CDH13: variants seen among roughly 807,000 people sequenced by gnomAD.
CDH13 encodes the protein cadherin-13.
A neutral mutation model predicts 63.8 loss-of-function variants in CDH13; 24 were observed. The observed-to-expected ratio is 0.38, with a 90% CI of 0.27 to 0.53. CDH13 has a LOEUF of 0.53. CDH13 is among the 20% of genes least tolerant of loss of function. The probability of loss-of-function intolerance (pLI) is 0.85; values close to 1 mark genes in which losing one functional copy is unlikely to be tolerated. For missense variants in CDH13, 1,049 were observed against 903.1 expected, an observed-to-expected ratio of 1.16 and a Z score of -2.07; for synonymous variants, 503 against 355.3, an observed-to-expected ratio of 1.42 and a Z score of -4.67.
At chr16:82,809,314 A>G (rs202015560) in intron 1 of CDH13, among the ~76,000 whole-genome samples, 1 of 238 alleles carries the variant, frequency 4.2e-3, no homozygotes, top group African/African-American at 5.6e-3. Context: ...ATTTACGTCC[A>G]AAAAAAAAAA....
intron 1 of CDH13, among the ~76,000 whole-genome samples, chr16:82,855,056 T>C (rs1381454950): frequency 6.6e-6 from 1 of 152,236 alleles, no homozygotes; most frequent in Non-Finnish European, 1.5e-5. Flanking sequence ...ACTGTGTACC[T>C]TTATGTTACA....
chr16:83,204,576 C>G (rs2039127840), intron 4 of CDH13, among the ~76,000 whole-genome samples: 1 of 152,192 alleles, frequency 6.6e-6, no homozygotes, highest in Admixed American at 6.5e-5. Flanking sequence ...AGAGGCCACA[C>G]AGCTTTCTAT....
intron 5 of CDH13, among the ~76,000 whole-genome samples, chr16:83,260,068 T>G (rs1038823820): frequency 9.3e-4 from 4 of 4,310 alleles, no homozygotes; most frequent in African/African-American, 3.9e-3. Context: ...ATATAATAGT[T>G]TTTTTTTTTT....
intron 7 of CDH13, among the ~76,000 whole-genome samples, chr16:83,510,869 A>T (rs1180942719): frequency 6.6e-6 from 1 of 152,248 alleles, no homozygotes; most frequent in Non-Finnish European, 1.5e-5. Context: ...GAAAATCAGT[A>T]ATGTAGGTCA....
Position 83,303,055 on chromosome 16 carries a change from A to G in CDH13, c.637-41807A>G, listed in dbSNP as rs925664150. ...TTTCAGTATCATGATGGCTCCAGCA[A>G]TTGCCCACATGATGGCATCAGAGAG... On this transcript the variant is annotated intron_variant, in intron 5 of 13. Coordinates refer to ENST00000567109, the MANE Select transcript of CDH13 (RefSeq NM_001257.5). Among the ~76,000 whole-genome samples the G allele has an allele frequency of 4.9e-4, 75 of 152,160 alleles. 1 individual carries two copies. The highest frequency in any genetic ancestry group is 1.8e-3 in the African/African-American group (73 of 41,426).
chr16:83,778,457 G>C (rs1250462430), intron 11 of CDH13, among the ~76,000 whole-genome samples: 1 of 151,718 alleles, frequency 6.6e-6, no homozygotes, highest in Admixed American at 6.6e-5. Flanking sequence ...TTGAACCGAG[G>C]AGGCAGAGGT....
intron 5 of CDH13, among the ~76,000 whole-genome samples, chr16:83,320,412 G>A (rs1219077146): frequency 6.6e-6 from 1 of 152,162 alleles, no homozygotes; most frequent in Admixed American, 6.5e-5. Flanking sequence ...TCTAGGAAAA[G>A]TATAAGCTGT....
intron 2 of CDH13, among the ~76,000 whole-genome samples, chr16:82,881,635 C>T (rs1451733125): frequency 2.6e-5 from 4 of 152,158 alleles, no homozygotes; most frequent in Admixed American, 6.5e-5. Flanking sequence ...AAAAGGAATA[C>T]AACAGGCACA....
intron 11 of CDH13, among the ~76,000 whole-genome samples, chr16:83,770,831 C>G (rs2150997880): frequency 6.6e-6 from 1 of 152,240 alleles, no homozygotes; most frequent in African/African-American, 2.4e-5. Context: ...CCTGTTTTAT[C>G]AGAAAGGTCT....
At chr16:82,995,962 C>T (rs947334641) in intron 2 of CDH13, among the ~76,000 whole-genome samples, 2 of 152,142 alleles carry the variant, frequency 1.3e-5, no homozygotes, top group African/African-American at 2.4e-5. Context: ...TTATCAAAAC[C>T]ATGCATCGCT....
chr16:82,973,537 G>T (rs564056467), intron 2 of CDH13, among the ~76,000 whole-genome samples: 13 of 152,162 alleles, frequency 8.5e-5, no homozygotes, highest in Non-Finnish European at 2.9e-5. Flanking sequence ...ACAAGGTGTA[G>T]TCCCTACTTT....
chr16:83,745,973 G>C lies in CDH13; in HGVS notation c.1539-2135G>C, dbSNP rs140829315. ...AGCAGCAGTTTTGAGTGTGGGTTCA[G>C]GGTCGCAGCTCCAAGGTCAGACCAC... On this transcript the variant is annotated intron_variant, in intron 10 of 13. Transcript: ENST00000567109. 3.3e-3 allele frequency among the ~76,000 whole-genome samples: 497 copies of C among 152,276 alleles called. 2 individuals carry two copies. The highest frequency in any genetic ancestry group is 0.011 in the African/African-American group (468 of 41,548).
intron 5 of CDH13, among the ~76,000 whole-genome samples, chr16:83,332,193 T>C (rs1312544942): frequency 6.6e-6 from 1 of 152,120 alleles, no homozygotes; most frequent in African/African-American, 2.4e-5. Context: ...TATTTTCATA[T>C]AATATTTTAG....
chr16:83,147,414 C>G (rs2036796671), intron 4 of CDH13, among the ~76,000 whole-genome samples: 1 of 152,146 alleles, frequency 6.6e-6, no homozygotes, highest in African/African-American at 2.4e-5. Context: ...GAAAGTAAAT[C>G]TCAACATTCC....
chr16:83,706,090 C>T (rs904194997), intron 10 of CDH13, among the ~76,000 whole-genome samples: 10 of 152,140 alleles, frequency 6.6e-5, no homozygotes, highest in African/African-American at 9.7e-5. Context: ...TGTCTGAGGC[C>T]TTAGCTGGAA....
intron 6 of CDH13, among the ~76,000 whole-genome samples, chr16:83,412,836 G>A (rs185594491): frequency 1.3e-5 from 2 of 152,336 alleles, no homozygotes; most frequent in Admixed American, 1.3e-4. Context: ...GGCAAGAACT[G>A]CAGCTTTGGG....
chr16:82,833,012 A>G (rs1040723186), intron 1 of CDH13, among the ~76,000 whole-genome samples: 1 of 152,148 alleles, frequency 6.6e-6, no homozygotes, highest in Admixed American at 6.5e-5. Context: ...GAGCTGCAAA[A>G]ATATGCCACA....
At chr16:83,467,354 C>T (rs2073341921) in intron 6 of CDH13, among the ~76,000 whole-genome samples, 1 of 152,128 alleles carries the variant, frequency 6.6e-6, no homozygotes, top group African/African-American at 2.4e-5. Flanking sequence ...GTAAATCCAG[C>T]AAGCCCATGA....
At chr16:82,806,016 A>G (rs2037120524) in intron 1 of CDH13, among the ~76,000 whole-genome samples, 1 of 152,148 alleles carries the variant, frequency 6.6e-6, no homozygotes, top group African/African-American at 2.4e-5. Context: ...TGAGCTTACA[A>G]GGCACATGGC....
Sources: gnomAD v4.1 joint callset for allele counts (sites outside exome capture counted in the v4.1 genomes callset) on GRCh38, gnomAD v4.1.1 for gene constraint, MANE v1.5 for transcripts, NCBI Gene and HGNC (gene_info 2026-07-23, HGNC 2026-07-21) for gene names.